TRAPPC9: variants seen among roughly 807,000 people sequenced by gnomAD.
The protein encoded by TRAPPC9 is trafficking protein particle complex subunit 9.
A neutral mutation model predicts 124.0 loss-of-function variants in TRAPPC9; 83 were observed. That is an observed-to-expected ratio of 0.67 (90% CI 0.56 to 0.80). The LOEUF is 0.80. Among genes scored for constraint, TRAPPC9 ranks in the 30% least tolerant of loss-of-function variants. The pLI is 0.00. For synonymous variants in TRAPPC9, 638 were observed against 617.5 expected, an observed-to-expected ratio of 1.03 and a Z score of -0.49; for missense variants, 1,302 against 1,508.3, an observed-to-expected ratio of 0.86 and a Z score of 2.27.
chr8:140,048,941 G>T (rs1841799435), intron 17 of TRAPPC9, among the ~76,000 whole-genome samples: 2 of 152,138 alleles, frequency 1.3e-5, no homozygotes, highest in Admixed American at 6.5e-5. Flanking sequence ...TCGGTGCCCG[G>T]AACACAGCAG....
At chr8:140,065,317 G>A (rs914775921) in intron 17 of TRAPPC9, among the ~76,000 whole-genome samples, 1 of 152,146 alleles carries the variant, frequency 6.6e-6, no homozygotes, top group African/African-American at 2.4e-5. Flanking sequence ...AATGTGAAGT[G>A]GCAAGTGCTG....
At chr8:140,323,006 AG>A (rs1247213750) in intron 9 of TRAPPC9, among the ~76,000 whole-genome samples, 3 of 152,214 alleles carry the variant, frequency 2.0e-5, no homozygotes, top group Admixed American at 6.5e-5. Context: ...GGCAGTCCCC[AG>A]GCAACTTCAG....
At chr8:140,024,663 CTGGGATGACAGGCGTG>C (rs1382051935) in intron 17 of TRAPPC9, among the ~76,000 whole-genome samples, 44 of 152,042 alleles carry the variant, frequency 2.9e-4, no homozygotes, top group Middle Eastern at 3.2e-3. Context: ...TCCCAAGGTG[CTGGGATGACAGGCGTG>C]TGGGATGACA....
intron 18 of TRAPPC9, among the ~76,000 whole-genome samples, chr8:140,015,058 G>C (rs112405369): frequency 0.033 from 4,967 of 152,302 alleles, 89 homozygotes; most frequent in South Asian, 0.077. Flanking sequence ...TTTGTATTTT[G>C]GTTTCACAAT....
intron 7 of TRAPPC9, among the ~76,000 whole-genome samples, chr8:140,378,685 C>A (rs925833207): frequency 7.9e-5 from 12 of 152,154 alleles, no homozygotes; most frequent in Non-Finnish European, 1.8e-4. Context: ...GAGGTATTTT[C>A]TATTTCATTC....
At chr8:139,957,276 G>A (rs1835055124) in intron 19 of TRAPPC9, among the ~76,000 whole-genome samples, 1 of 152,252 alleles carries the variant, frequency 6.6e-6, no homozygotes, top group African/African-American at 2.4e-5. Context: ...CTGCAGCCTT[G>A]GGGGACTCGG....
At chr8:140,253,753 C>G (rs1010384014) in intron 15 of TRAPPC9, among the ~76,000 whole-genome samples, 1 of 152,066 alleles carries the variant, frequency 6.6e-6, no homozygotes, top group Non-Finnish European at 1.5e-5. Flanking sequence ...AGGTGTTTCC[C>G]TTGCTTTCTG....
chr8:140,038,968 A>T (rs2132018499), intron 17 of TRAPPC9, among the ~76,000 whole-genome samples: 1 of 152,304 alleles, frequency 6.6e-6, no homozygotes, highest in South Asian at 2.1e-4. Context: ...GGAGCTCAGC[A>T]CAGAGCTGGG....
chr8:140,083,621 G>T (rs1359910071), intron 17 of TRAPPC9, among the ~76,000 whole-genome samples: 1 of 151,990 alleles, frequency 6.6e-6, no homozygotes, highest in Admixed American at 6.6e-5. Flanking sequence ...CTGGAGAAAA[G>T]AATACCCACA....
chr8:139,914,258 G>A (rs1831950175), intron 19 of TRAPPC9, among the ~76,000 whole-genome samples: 1 of 152,274 alleles, frequency 6.6e-6, no homozygotes, highest in Non-Finnish European at 1.5e-5. Flanking sequence ...GAGTGCCAGA[G>A]GGCATGCGGG....
chr8:139,818,923 T>C (rs537439492), intron 21 of TRAPPC9, among the ~76,000 whole-genome samples: 1 of 152,350 alleles, frequency 6.6e-6, no homozygotes, highest in East Asian at 1.9e-4. Context: ...TCTTAGTCCC[T>C]TGTACACATC....
At chr8:140,002,858 A>C (rs1384500574) in intron 18 of TRAPPC9, among the ~76,000 whole-genome samples, 1 of 148,326 alleles carries the variant, frequency 6.7e-6, no homozygotes, top group Non-Finnish European at 1.5e-5. Context: ...AAAAAAAAAA[A>C]AAAAAAAAAG....
At chr8:140,157,566 T>C (rs922215891) in intron 17 of TRAPPC9, among the ~76,000 whole-genome samples, 1 of 152,212 alleles carries the variant, frequency 6.6e-6, no homozygotes, top group Non-Finnish European at 1.5e-5. Context: ...GGGACTGTCG[T>C]CCAATCTGGG....
chr8:139,747,000 A>G (rs1449447137), intron 21 of TRAPPC9, among the ~76,000 whole-genome samples: 2 of 152,256 alleles, frequency 1.3e-5, no homozygotes, highest in Non-Finnish European at 2.9e-5. Flanking sequence ...AAGAAAAAGA[A>G]ACGGGGAAAA....
At chr8:140,040,712 C>G (rs565211519) in intron 17 of TRAPPC9, 1 of 152,450 alleles carries the variant, frequency 6.6e-6, no homozygotes, top group East Asian at 1.9e-4. Context: ...TGTCACCATC[C>G]CAACACACAT....
At position 139,788,687 on chromosome 8, in the gene TRAPPC9, C is replaced by A. The variant is rs1007964159; in HGVS notation, c.3056-56485G>T. Among the ~76,000 whole-genome samples, 1 of 152,236 alleles carries A rather than the reference C, an allele frequency of 6.6e-6. No homozygotes were observed. Among genetic ancestry groups the A allele is most frequent in the African/African-American group, 2.4e-5 (1 of 41,470 alleles). ...TCCCACCTCCCTCCTGACGGCCACG[C>A]AGAGTCGAGTTACCATCACGCCTGC... On this transcript the variant is annotated intron_variant, in intron 21 of 22. Coordinates refer to ENST00000438773, the MANE Select transcript of TRAPPC9 (RefSeq NM_001160372.4). This position sits in a 1 kb window ranked among gnomAD's most constrained non-coding sequence, Gnocchi z 4.9.
intron 17 of TRAPPC9, among the ~76,000 whole-genome samples, chr8:140,051,938 C>T (rs1842028873): frequency 2.0e-5 from 3 of 151,864 alleles, no homozygotes; most frequent in Admixed American, 1.3e-4. Context: ...CCATTGTATG[C>T]AGGGTAATAG....
At chr8:139,899,645 AAG>A (rs1830899095) in intron 20 of TRAPPC9, among the ~76,000 whole-genome samples, 1 of 152,054 alleles carries the variant, frequency 6.6e-6, no homozygotes, top group African/African-American at 2.4e-5. Context: ...AATTACCCCC[AAG>A]AGAGAGGCCC....
chr8:140,268,856 C>A (rs763237243), intron 15 of TRAPPC9, among the ~76,000 whole-genome samples: 2 of 152,194 alleles, frequency 1.3e-5, no homozygotes, highest in Non-Finnish European at 2.9e-5. Flanking sequence ...ACGGTCTCGG[C>A]ATGAACCACC....
Sources: gnomAD v4.1 joint callset for allele counts (sites outside exome capture counted in the v4.1 genomes callset) on GRCh38, gnomAD v4.1.1 for gene constraint, Gnocchi (gnomAD v3.1) non-coding constraint, MANE v1.5 for transcripts, NCBI Gene and HGNC (gene_info 2026-07-23, HGNC 2026-07-21) for gene names.